Variants in LRBA observed in about 807,000 individuals in gnomAD.
The protein encoded by LRBA is LPS responsive beige-like anchor protein.
LRBA carries 176 observed loss-of-function variants against 330.0 expected under a neutral mutation model. The observed-to-expected ratio is 0.53, with a 90% CI of 0.47 to 0.60. The LOEUF is 0.60. LRBA is among the 20% of genes least tolerant of loss of function. LRBA has a pLI of 0.00. For missense variants in LRBA, 3,259 were observed against 3,444.8 expected (o/e 0.95, Z 1.35); for synonymous variants, 1,230 against 1,193.0 (o/e 1.03, Z -0.64).
At chr4:150,789,426 T>C (rs1739575243) in intron 34 of LRBA, among the ~76,000 whole-genome samples, 1 of 152,196 alleles carries the variant, frequency 6.6e-6, no homozygotes, top group South Asian at 2.1e-4. Context: ...GTTTGTGCAA[T>C]TACTCAAATA....
rs1554034850 is a variant in LRBA, at chr4:150,470,876, C to CACACACACACCA, written c.6667+747_6667+748insTGGTGTGTGTGT. On this transcript the variant is annotated intron_variant, in intron 43 of 56. Transcript: ENST00000651943. ...ACACACACACACACACACACACACA[C>CACACACACACCA]CACACACTAAATTACTTCCTAACTT... 9.3e-3 allele frequency among the ~76,000 whole-genome samples: 1,333 copies of CACACACACACCA among 143,730 alleles called. 16 individuals carry two copies. The highest frequency in any genetic ancestry group is 0.03 in the African/African-American group (1,154 of 38,458). 94.3% of individuals were successfully genotyped at this position (143,730 alleles called of 152,430 possible). A position where few individuals can be genotyped will look rare whatever the true frequency, so the allele number is the denominator to read the frequency against.
intron 48 of LRBA, among the ~76,000 whole-genome samples, chr4:150,342,564 A>T (rs1199596985): frequency 2.0e-5 from 3 of 152,188 alleles, no homozygotes; most frequent in Non-Finnish European, 1.5e-5. Flanking sequence ...AAAACAACAT[A>T]AAAGTTTAAT....
chr4:150,639,349 T>C (rs1434059754), intron 37 of LRBA, among the ~76,000 whole-genome samples: 6 of 71,334 alleles, frequency 8.4e-5, no homozygotes, highest in African/African-American at 2.2e-4. Context: ...ACCCTAAAAC[T>C]TAAAGTATAA....
chr4:150,804,483 A>G (rs540901934), intron 33 of LRBA, among the ~76,000 whole-genome samples: 142 of 152,282 alleles, frequency 9.3e-4, no homozygotes, highest in Non-Finnish European at 1.9e-4. Flanking sequence ...CCTACCTATA[A>G]CCTTGCATTT....
intron 40 of LRBA, among the ~76,000 whole-genome samples, chr4:150,554,693 T>C (rs1051054810): frequency 1.3e-5 from 2 of 152,112 alleles, no homozygotes; most frequent in Admixed American, 6.6e-5. Context: ...AGGGCTTTTA[T>C]AGACTCCTTT....
intron 46 of LRBA, among the ~76,000 whole-genome samples, chr4:150,430,925 T>C (rs1311111666): frequency 6.6e-6 from 1 of 152,136 alleles, no homozygotes; most frequent in East Asian, 1.9e-4. Context: ...CAGATTGTAC[T>C]TCACCATTAG....
intron 36 of LRBA, among the ~76,000 whole-genome samples, chr4:150,703,461 T>G (rs555632322): frequency 3.3e-5 from 5 of 152,336 alleles, no homozygotes; most frequent in African/African-American, 7.2e-5. Context: ...CTTTGGGAGC[T>G]TCCTATGTTC....
Position 150,850,854 on chromosome 4 carries a change from C to T in LRBA, c.3874G>A (p.Val1292Ile), listed in dbSNP as rs34678304. 1.4e-3 allele frequency: 2,267 copies of T among 1,613,900 alleles called. 26 individuals are homozygous for T. In the African/African-American group the frequency reaches 0.027, roughly 19 times the overall value. The change falls in exon 24 of 57, where the codon GTT becomes ATT. Residue 1292 changes from valine (V) to isoleucine (I), a missense_variant. By Grantham distance (29) the Val-to-Ile change is conservative (BLOSUM62 3). Transcript: ENST00000651943. ...CTGGAATCCCTCCTTTGTCCATTAACTGCATCTGGTGCTATTCCTTGCCCT... is the reference window on the plus strand; with the variant it reads ...CTGGAATCCCTCCTTTGTCCATTAATTGCATCTGGTGCTATTCCTTGCCCT... ...QPGQGIAPDA[V>I]NGQRRDSRST... is the part of the protein sequence containing the mutation.
chr4:150,569,152 A>G (rs1311113013), intron 40 of LRBA, among the ~76,000 whole-genome samples: 2 of 152,094 alleles, frequency 1.3e-5, no homozygotes, highest in Non-Finnish European at 2.9e-5. Context: ...TTGTAGATGC[A>G]TCTTTCCAAC....
chr4:150,293,955 A>G (rs904033058), intron 53 of LRBA, among the ~76,000 whole-genome samples: 7 of 152,246 alleles, frequency 4.6e-5, no homozygotes, highest in Admixed American at 4.6e-4. Flanking sequence ...TATTATAAGA[A>G]CACAGTATAT....
chr4:150,818,845 C>T (rs967441547), intron 30 of LRBA, among the ~76,000 whole-genome samples: 1 of 151,964 alleles, frequency 6.6e-6, no homozygotes, highest in Non-Finnish European at 1.5e-5. Context: ...AGTGCAATTG[C>T]TTTTTCTATA....
At chr4:150,465,761 A>G in intron 44 of LRBA, among the ~76,000 whole-genome samples, 1 of 152,088 alleles carries the variant, frequency 6.6e-6, no homozygotes, top group Non-Finnish European at 1.5e-5. Context: ...TGATCCATGA[A>G]TAAGGCTTTC....
At position 150,590,701 on chromosome 4, in the gene LRBA, C is replaced by T; in HGVS notation, c.6193+12G>A. On this transcript the variant is annotated intron_variant, in intron 39 of 56. Coordinates refer to ENST00000651943, the MANE Select transcript of LRBA (RefSeq NM_001364905.1). ...GAGGTAGCTGAAATATCTGCACAAC[C>T]ACCAAATTTACCGGCAAGATTCTCT... is the stretch of plus-strand genomic sequence containing the variant. 6.2e-7 allele frequency: 1 copy of T among 1,612,066 alleles called. No individual in the cohort carries two copies. The highest frequency in any genetic ancestry group is 1.1e-5 in the South Asian group (1 of 90,606).
intron 46 of LRBA, among the ~76,000 whole-genome samples, chr4:150,416,425 T>G (rs1358404726): frequency 6.6e-6 from 1 of 152,154 alleles, no homozygotes; most frequent in Non-Finnish European, 1.5e-5. Flanking sequence ...AAGGTCAGTA[T>G]GAACTTGCCA....
chr4:150,266,790 C>T (rs985293385), intron 56 of LRBA, among the ~76,000 whole-genome samples: 2 of 152,146 alleles, frequency 1.3e-5, no homozygotes, highest in African/African-American at 4.8e-5. Flanking sequence ...GGATAAAAAA[C>T]ATGATCCAAC....
intron 52 of LRBA, among the ~76,000 whole-genome samples, chr4:150,307,353 CTA>C (rs1730489150): frequency 6.6e-6 from 1 of 151,890 alleles, no homozygotes; most frequent in Non-Finnish European, 1.5e-5. Flanking sequence ...GTGAATTACT[CTA>C]TGGTTTGCAC....
chr4:150,648,145 G>A (rs766315322), intron 37 of LRBA, among the ~76,000 whole-genome samples: 10 of 17,314 alleles, frequency 5.8e-4, no homozygotes, highest in Non-Finnish European at 2.6e-3. Context: ...AGAAGAGAAA[G>A]GAACACAAGT....
rs761433893 is a variant in LRBA, at chr4:150,583,901, G to T, written c.6330+4147C>A. ...GAGAAACACCCACGAGAAACGGACT[G>T]GGACGAGTCGTGCCTGGGCGACCGG... On this transcript the variant is annotated intron_variant, in intron 40 of 56. Coordinates refer to ENST00000651943, the MANE Select transcript of LRBA (RefSeq NM_001364905.1). The surrounding 1 kb of genome is among the most constrained non-coding windows in gnomAD (Gnocchi z 9.8). 1 of 1,613,176 alleles carries T rather than the reference G, an allele frequency of 6.2e-7. No homozygotes were observed.
intron 46 of LRBA, among the ~76,000 whole-genome samples, chr4:150,421,722 G>C (rs530327433): frequency 5.3e-4 from 80 of 152,156 alleles, no homozygotes; most frequent in Non-Finnish European, 1.0e-3. Flanking sequence ...GAGTAAACAA[G>C]CAGCTTTTCT....
Sources: allele counts gnomAD v4.1 joint callset (sites outside exome capture counted in the v4.1 genomes callset), GRCh38; gene constraint gnomAD v4.1.1; non-coding constraint Gnocchi (gnomAD v3.1); transcripts MANE v1.5; gene names NCBI Gene and HGNC (gene_info 2026-07-23, HGNC 2026-07-21).